The following CCSER1 variants were observed in gnomAD, a reference collection of about 807,000 sequenced individuals.
The protein encoded by CCSER1 is serine-rich coiled-coil domain-containing protein 1.
CCSER1 carries 41 observed loss-of-function variants against 82.0 expected under a neutral mutation model. The ratio of observed to expected loss-of-function variants is 0.50; its 90% confidence interval spans 0.39 to 0.65. The LOEUF (loss-of-function observed/expected upper bound fraction) is 0.65. CCSER1 is among the 30% of genes least tolerant of loss of function. The pLI is 0.00. For missense variants in CCSER1, 1,119 were observed against 1,064.2 expected (o/e 1.05, Z -0.72); for synonymous variants, 414 against 383.9 (o/e 1.08, Z -0.92).
chr4:90,271,328 TAAATC>T (rs1313695262), intron 1 of CCSER1, among the ~76,000 whole-genome samples: 3 of 152,118 alleles, frequency 2.0e-5, no homozygotes, highest in South Asian at 4.2e-4. Flanking sequence ...AAACCAGAAA[TAAATC>T]CATACATCTA....
intron 10 of CCSER1, among the ~76,000 whole-genome samples, chr4:91,481,652 A>G (rs1004222574): frequency 1.3e-5 from 2 of 152,208 alleles, no homozygotes; most frequent in African/African-American, 4.8e-5. Flanking sequence ...AAACTATTGG[A>G]AAAATAGTTA....
chr4:90,346,624 A>G (rs914836708), intron 3 of CCSER1, among the ~76,000 whole-genome samples: 7 of 152,078 alleles, frequency 4.6e-5, no homozygotes, highest in Admixed American at 4.6e-4. Flanking sequence ...TTTATTTGAA[A>G]GCATCAATAT....
At chr4:91,307,563 A>G (rs1411904670) in intron 10 of CCSER1, among the ~76,000 whole-genome samples, 2 of 151,982 alleles carry the variant, frequency 1.3e-5, no homozygotes, top group Non-Finnish European at 2.9e-5. Context: ...CAGATGAAAC[A>G]TTTTGCCAAG....
chr4:91,268,422 T>C (rs1247112675), intron 10 of CCSER1, among the ~76,000 whole-genome samples: 1 of 152,246 alleles, frequency 6.6e-6, no homozygotes. Context: ...GTTATTTTTT[T>C]CTTTATTCAT....
At chr4:91,593,496 T>A (rs867359146) in intron 10 of CCSER1, among the ~76,000 whole-genome samples, 16 of 124,418 alleles carry the variant, frequency 1.3e-4, no homozygotes, top group African/African-American at 4.4e-4. Context: ...TTTTTTTTAG[T>A]ACAGACAGGG....
chr4:90,170,064 G>A (rs886744016), intron 1 of CCSER1, among the ~76,000 whole-genome samples: 1 of 151,448 alleles, frequency 6.6e-6, no homozygotes, highest in African/African-American at 2.4e-5. Flanking sequence ...TCATTTATTG[G>A]TTTCTCTAAA....
chr4:90,693,259 A>C (rs1736361091), intron 6 of CCSER1: 4 of 151,960 alleles, frequency 2.6e-5, no homozygotes, highest in Admixed American at 2.0e-4. Context: ...GAAACTCTAA[A>C]ACTTTAAAAT....
At chr4:91,490,987 GC>G (rs1250338950) in intron 10 of CCSER1, among the ~76,000 whole-genome samples, 10 of 127,410 alleles carry the variant, frequency 7.8e-5, no homozygotes, top group African/African-American at 2.9e-4. Flanking sequence ...AAGCAAAAAG[GC>G]CAATAGTGAT....
chr4:91,016,026 G>A (rs1010990886), intron 9 of CCSER1, among the ~76,000 whole-genome samples: 3 of 151,890 alleles, frequency 2.0e-5, no homozygotes, highest in African/African-American at 7.2e-5. Context: ...ACTTATTACT[G>A]AACAGATTTC....
chr4:91,246,383 A>C (rs1739775436), intron 10 of CCSER1, among the ~76,000 whole-genome samples: 1 of 152,214 alleles, frequency 6.6e-6, no homozygotes, highest in East Asian at 1.9e-4. Flanking sequence ...ACAAAAAATT[A>C]AAAAGCGAGA....
chr4:90,578,302 G>A (rs1780997881), intron 5 of CCSER1, among the ~76,000 whole-genome samples: 1 of 152,088 alleles, frequency 6.6e-6, no homozygotes, highest in African/African-American at 2.4e-5. Flanking sequence ...CAAGAAGTCA[G>A]CAAGACCACT....
intron 10 of CCSER1, among the ~76,000 whole-genome samples, chr4:91,498,548 T>C (rs1198891462): frequency 6.6e-6 from 1 of 151,834 alleles, no homozygotes; most frequent in Non-Finnish European, 1.5e-5. Flanking sequence ...TAATAATTGA[T>C]AAATATTATG....
intron 6 of CCSER1, among the ~76,000 whole-genome samples, chr4:90,634,015 G>C (rs892425536): frequency 1.3e-5 from 2 of 151,636 alleles, no homozygotes; most frequent in Non-Finnish European, 3.0e-5. Context: ...TGTAGTAAGG[G>C]AAGAGAACTC....
intron 10 of CCSER1, among the ~76,000 whole-genome samples, chr4:91,551,652 AACAAACACACACACACAC>A (rs1560757383): frequency 3.9e-5 from 4 of 102,458 alleles, no homozygotes; most frequent in African/African-American, 1.1e-4. Flanking sequence ...GCAGGCAAAA[AACAAACACACACACACAC>A]ACACACACAC....
intron 9 of CCSER1, among the ~76,000 whole-genome samples, chr4:91,018,837 CAGA>C (rs1739670066): frequency 6.6e-6 from 1 of 152,068 alleles, no homozygotes; most frequent in African/African-American, 2.4e-5. Flanking sequence ...TTACTTCCAT[CAGA>C]AGGTCTCCTT....
At chr4:91,238,026 C>T (rs1739150780) in intron 10 of CCSER1, among the ~76,000 whole-genome samples, 1 of 152,118 alleles carries the variant, frequency 6.6e-6, no homozygotes, top group Non-Finnish European at 1.5e-5. Context: ...GAGCAGTGTG[C>T]TCTTTTGCAT....
At chr4:90,911,253 A>G (rs1030069325) in intron 8 of CCSER1, 3 of 455,944 alleles carry the variant, frequency 6.6e-6, no homozygotes, top group Non-Finnish European at 1.3e-5. Flanking sequence ...TCTCCTTGAT[A>G]GCTCCCGAAA....
At chr4:91,086,118 ATGT>A (rs1166698809) in intron 10 of CCSER1, 124 bp downstream of exon 10, 1 of 651,996 alleles carries the variant, frequency 1.5e-6, no homozygotes, top group African/African-American at 1.8e-5. Context: ...ATTGAAGAGA[ATGT>A]TGTCTGCATA....
At chr4:90,203,914 GT>G (rs1738256819) in intron 1 of CCSER1, among the ~76,000 whole-genome samples, 1 of 152,082 alleles carries the variant, frequency 6.6e-6, no homozygotes. Flanking sequence ...TCTCATTGTG[GT>G]TTTGATTTGC....
Sources: gnomAD v4.1 joint callset for allele counts (sites outside exome capture counted in the v4.1 genomes callset) on GRCh38, gnomAD v4.1.1 for gene constraint, MANE v1.5 for transcripts, NCBI Gene and HGNC (gene_info 2026-07-23, HGNC 2026-07-21) for gene names.